The following ZFHX4 variants were observed in gnomAD, a reference collection of about 807,000 sequenced individuals.
ZFHX4 encodes the protein zinc finger homeobox 4, also known as zinc finger homeobox protein 4.
A neutral mutation model predicts 267.6 loss-of-function variants in ZFHX4; 56 were observed. That is an observed-to-expected ratio of 0.21 (90% CI 0.17 to 0.26). ZFHX4 has a LOEUF of 0.26. Ranked by LOEUF, ZFHX4 falls within the 10% of genes least tolerant of loss-of-function variation. ZFHX4 has a pLI of 1.00. For missense variants in ZFHX4, 4,332 were observed against 4,420.0 expected (o/e 0.98, Z 0.56); for synonymous variants, 1,778 against 1,665.6 (o/e 1.07, Z -1.64).
Position 76,851,234 on chromosome 8 carries a change from A to C in ZFHX4, c.4313A>C (p.Gln1438Pro). The change falls in exon 10 of 11, where the codon CAG becomes CCG. Residue 1438 changes from glutamine (Q) to proline (P), a missense_variant. Physicochemically the swap from Gln to Pro is moderately conservative, Grantham distance 76. Transcript: ENST00000651372. ...NLCQRSFRTF[Q>P]ALKKHLEAGH... The stretch of plus-strand genomic sequence containing the variant: ...TGCCAGCGCAGTTTCCGTACATTCC[A>C]GGCTTTAAAAAAACACTTGGAAGCA... The C allele has an allele frequency of 6.2e-7, 1 of 1,613,802 alleles. No homozygotes were observed. Among genetic ancestry groups the C allele is most frequent in the East Asian group, 2.2e-5 (1 of 44,832 alleles).
intron 3 of ZFHX4, among the ~76,000 whole-genome samples, chr8:76,719,039 GT>G (rs1268246117): frequency 6.6e-6 from 1 of 150,820 alleles, no homozygotes; most frequent in Non-Finnish European, 1.5e-5. Context: ...CCGATCTCCT[GT>G]GTTAGATGAT....
intron 1 of ZFHX4, among the ~76,000 whole-genome samples, chr8:76,699,012 G>A (rs1808031808): frequency 6.6e-6 from 1 of 152,166 alleles, no homozygotes; most frequent in Non-Finnish European, 1.5e-5. Flanking sequence ...GGTTAATGCA[G>A]TATAATTGTC....
rs748831588 is a variant in ZFHX4, at chr8:76,852,555, A to T, written c.5634A>T (p.Gly1878=). 10 of 1,611,072 alleles carry T rather than the reference A, an allele frequency of 6.2e-6. No homozygotes were observed. The African/African-American group carries it at 1.2e-4, about 19-fold the overall frequency. ...PKQEFISEGE[G]LKEGKDTKKQ... ...AGGAATTTATAAGTGAAGGTGAAGGACTCAAAGAAGGCAAAGACACAAAGA... is the reference window on the plus strand; with the variant it reads ...AGGAATTTATAAGTGAAGGTGAAGGTCTCAAAGAAGGCAAAGACACAAAGA... Residue 1878 remains glycine, a synonymous_variant, in exon 10 of 11, where the codon GGA becomes GGT. Coordinates refer to ENST00000651372, the MANE Select transcript of ZFHX4 (RefSeq NM_024721.5).
chr8:76,762,008 T>G (rs1809926448), intron 3 of ZFHX4, among the ~76,000 whole-genome samples: 1 of 152,186 alleles, frequency 6.6e-6, no homozygotes. Context: ...AATCAAGATT[T>G]TTAGAATGCT....
At chr8:76,689,407 GA>G (rs1316855928) in intron 1 of ZFHX4, among the ~76,000 whole-genome samples, 5 of 152,050 alleles carry the variant, frequency 3.3e-5, no homozygotes, top group African/African-American at 1.2e-4. Context: ...CAAGATTTTA[GA>G]AATCAGACAG....
intron 3 of ZFHX4, among the ~76,000 whole-genome samples, chr8:76,765,847 T>C (rs1257296476): frequency 2.0e-5 from 3 of 152,014 alleles, no homozygotes; most frequent in Non-Finnish European, 4.4e-5. Context: ...ATGATGAAAT[T>C]GAGGCCCAGC....
intron 5 of ZFHX4, chr8:76,834,063 G>A: frequency 2.5e-6 from 1 of 397,368 alleles, no homozygotes; most frequent in Non-Finnish European, 5.0e-6. Flanking sequence ...TGGCTTGATA[G>A]TTTATTTCCT....
intron 4 of ZFHX4, among the ~76,000 whole-genome samples, chr8:76,795,291 T>C (rs1029505224): frequency 2.0e-5 from 3 of 152,130 alleles, no homozygotes; most frequent in African/African-American, 7.2e-5. Flanking sequence ...TTGTTTGTTT[T>C]GAGACAGGAT....
intron 10 of ZFHX4, among the ~76,000 whole-genome samples, chr8:76,857,007 TAGCC>T (rs892144230): frequency 6.6e-6 from 1 of 152,112 alleles, no homozygotes; most frequent in Non-Finnish European, 1.5e-5. Context: ...CCCTCACCCC[TAGCC>T]CCAGCTAAAG....
chr8:76,826,765 C>A (rs765307413), intron 4 of ZFHX4, among the ~76,000 whole-genome samples: 2 of 152,160 alleles, frequency 1.3e-5, no homozygotes, highest in African/African-American at 2.4e-5. Flanking sequence ...GGAGTAAGTT[C>A]TAGAGATCTG....
chr8:76,786,301 C>G (rs1810687362), intron 4 of ZFHX4, among the ~76,000 whole-genome samples: 1 of 151,360 alleles, frequency 6.6e-6, no homozygotes, highest in African/African-American at 2.4e-5. Context: ...TTTGTTCTTT[C>G]TTTTCCTTCA....
chr8:76,819,722 C>T (rs569144022), intron 4 of ZFHX4, among the ~76,000 whole-genome samples: 6 of 152,238 alleles, frequency 3.9e-5, no homozygotes, highest in East Asian at 3.9e-4. Context: ...GATGGGGTGC[C>T]GTGGAACAAA....
rs559445229 is a variant in ZFHX4 at position 76,864,295 on chromosome 8, T to C, written c.10581T>C (p.Pro3527=). 6.2e-7 allele frequency: 1 copy of C among 1,613,848 alleles called. No individual in the cohort carries two copies. Among genetic ancestry groups the C allele is most frequent in the African/African-American group, 1.3e-5 (1 of 75,052 alleles). The change falls in exon 11 of 11, where the codon CCT becomes CCC. Residue 3527 remains proline (P), a synonymous_variant. Coordinates refer to ENST00000651372, the MANE Select transcript of ZFHX4 (RefSeq NM_024721.5). ...HLSCFSMKSW[P]NILFQASARR... is the part of the protein sequence containing the mutation. ...CTTGCTTCTCCATGAAGTCCTGGCC[T>C]AATATCCTTTTCCAAGCGTCTGCCA...
At chr8:76,749,200 A>G (rs936442625) in intron 3 of ZFHX4, among the ~76,000 whole-genome samples, 1 of 152,108 alleles carries the variant, frequency 6.6e-6, no homozygotes, top group Non-Finnish European at 1.5e-5. Flanking sequence ...CACCATCTGT[A>G]TGTGATATGC....
chr8:76,714,318 G>C (rs1808508442), intron 3 of ZFHX4, among the ~76,000 whole-genome samples: 1 of 152,162 alleles, frequency 6.6e-6, no homozygotes, highest in African/African-American at 2.4e-5. Context: ...CTGCTGAAAG[G>C]GTCTTGGCCC....
intron 3 of ZFHX4, among the ~76,000 whole-genome samples, chr8:76,725,953 C>G (rs1808841413): frequency 6.6e-6 from 1 of 152,058 alleles, no homozygotes; most frequent in South Asian, 2.1e-4. Flanking sequence ...ATTTGTGTTG[C>G]TTGAGGAAGC....
intron 3 of ZFHX4, among the ~76,000 whole-genome samples, chr8:76,768,706 G>A (rs975964996): frequency 7.9e-5 from 12 of 152,102 alleles, no homozygotes; most frequent in African/African-American, 2.7e-4. Flanking sequence ...GGCCCCAGAA[G>A]GAGATAATTT....
At chr8:76,774,075 C>A (rs1451574803) in intron 3 of ZFHX4, among the ~76,000 whole-genome samples, 1 of 152,072 alleles carries the variant, frequency 6.6e-6, no homozygotes, top group Non-Finnish European at 1.5e-5. Context: ...TTCTGGACCC[C>A]CATCCAAGTT....
intron 6 of ZFHX4, among the ~76,000 whole-genome samples, chr8:76,845,755 A>G (rs1041457554): frequency 1.3e-5 from 2 of 152,034 alleles, no homozygotes; most frequent in African/African-American, 4.8e-5. Context: ...ATCTGCATTG[A>G]AATGAATTAT....
Sources: gnomAD v4.1 joint callset for allele counts (sites outside exome capture counted in the v4.1 genomes callset) on GRCh38, gnomAD v4.1.1 for gene constraint, MANE v1.5 for transcripts, NCBI Gene and HGNC (gene_info 2026-07-23, HGNC 2026-07-21) for gene names.